The following C19orf38 variants were observed in gnomAD, a reference collection of about 807,000 sequenced individuals.
C19orf38 encodes chromosome 19 open reading frame 38.
Under a neutral mutation model 26.6 loss-of-function variants are expected in C19orf38, and 14 were observed. The observed-to-expected ratio is 0.53, with a 90% CI of 0.35 to 0.82. The LOEUF (loss-of-function observed/expected upper bound fraction) is 0.82. C19orf38 is among the 40% of genes least tolerant of loss of function. The pLI is 0.01. For synonymous variants in C19orf38, 132 were observed against 128.5 expected, an observed-to-expected ratio of 1.03 and a Z score of -0.18; for missense variants, 261 against 299.5, an observed-to-expected ratio of 0.87 and a Z score of 0.95.
chr19:10,858,258 A>AT, intron 3 of C19orf38, 58 bp from the exon 4 acceptor site: 1 of 1,303,716 alleles, frequency 7.7e-7, no homozygotes, highest in Non-Finnish European at 1.0e-6. Context: ...AAAAACAGAA[A>AT]TTGCCGGATA....
intron 1 of C19orf38, among the ~76,000 whole-genome samples, chr19:10,841,582 G>T (rs897991968): frequency 6.6e-6 from 1 of 151,966 alleles, no homozygotes; most frequent in Admixed American, 6.6e-5. Context: ...CACAAGGTCA[G>T]GAGATCGAGA....
At position 10,848,423 on chromosome 19, in the gene C19orf38, C is replaced by T; in HGVS notation, c.-86C>T. On this transcript the variant is annotated 5_prime_UTR_variant, in exon 1 of 7. Transcript: ENST00000397820. The stretch of plus-strand genomic sequence containing the variant: ...GAGAATCAGCCCTGGTTCTCCTTTC[C>T]CCGATCTGGCCTCACAGGAGGAGTT... The T allele has an allele frequency of 7.0e-7, 1 of 1,426,838 alleles. No homozygotes were observed. Among genetic ancestry groups the T allele is most frequent in the Non-Finnish European group, 9.7e-7 (1 of 1,035,214 alleles). 88.4% of individuals were successfully genotyped at this position (1,426,838 alleles called of 1,614,324 possible).
intron 3 of C19orf38, among the ~76,000 whole-genome samples, chr19:10,856,657 C>T (rs1281867585): frequency 1.3e-5 from 2 of 151,992 alleles, no homozygotes; most frequent in African/African-American, 2.4e-5. Flanking sequence ...GCGTGCACCA[C>T]CATGCCTCGC....
In C19orf38 at chr19:10,858,582, A is replaced by G. The variant is rs535746787; in HGVS notation, c.461+239A>G. Reference sequence around the variant, plus strand: ...GGAAACAGGCACCATGAATAGCCCTATTTTACAGAAGAGAGGACTGAGGCT... The same window carrying G: ...GGAAACAGGCACCATGAATAGCCCTGTTTTACAGAAGAGAGGACTGAGGCT... On this transcript the variant is annotated intron_variant, in intron 4 of 6. Coordinates refer to ENST00000397820, the MANE Select transcript of C19orf38 (RefSeq NM_001136482.3). 1.1e-3 allele frequency among the ~76,000 whole-genome samples: 167 copies of G among 152,270 alleles called. 1 individual carries two copies. The highest frequency in any genetic ancestry group is 3.8e-3 in the African/African-American group (156 of 41,556).
Position 10,856,374 on chromosome 19 carries a change from C to A in C19orf38, c.433+17C>A. On this transcript the variant is annotated intron_variant, in intron 3 of 6. Transcript: ENST00000397820. ...TCAGAAAAGGTAACAGCACGCAAAG[C>A]CTGGCACACAAGTTGCCAGTTGACA... 6.5e-7 allele frequency: 1 copy of A among 1,545,056 alleles called. No homozygotes were observed. Among genetic ancestry groups the A allele is most frequent in the Non-Finnish European group, 8.8e-7 (1 of 1,141,120 alleles).
chr19:10,859,686 A>G (rs1399527751), intron 4 of C19orf38, among the ~76,000 whole-genome samples: 1 of 151,748 alleles, frequency 6.6e-6, no homozygotes, highest in Admixed American at 6.6e-5. Context: ...GCCTGGCCCA[A>G]GAGAATTTCC....
In C19orf38 at chr19:10,869,319, C is replaced by G. The variant is rs1256291131; in HGVS notation, c.645C>G (p.Ser215=). Residue 215 remains serine, a synonymous_variant, in exon 7 of 7, where the codon TCC becomes TCG. Transcript: ENST00000397820. ...SRTRKRPTST[S]SSPETPEFST... ...CCCGGAAGAGGCCCACTTCCACGTC[C>G]TCCTCGCCTGAGACCCCCGAATTCA... is the stretch of plus-strand genomic sequence containing the variant. 1 of 1,551,500 alleles carries G rather than the reference C, an allele frequency of 6.4e-7. No individual in the cohort carries two copies. The highest frequency in any genetic ancestry group is 1.2e-5 in the South Asian group (1 of 84,048).
intron 4 of C19orf38, among the ~76,000 whole-genome samples, 191 bp from the exon 5 acceptor site, chr19:10,859,724 G>T (rs1164270730): frequency 1.3e-5 from 2 of 151,976 alleles, no homozygotes; most frequent in Non-Finnish European, 2.9e-5. Context: ...CGGCCAAGGG[G>T]CTGTCCCACA....
chr19:10,858,439 C>T, intron 4 of C19orf38, 96 bp downstream of exon 4: 1 of 1,212,778 alleles, frequency 8.2e-7, no homozygotes, highest in South Asian at 1.4e-5. Context: ...CAAACAGCGC[C>T]TCCTGGTGGG....
At chr19:10,841,182 A>G (rs949418474) in intron 1 of C19orf38, among the ~76,000 whole-genome samples, 2 of 152,122 alleles carry the variant, frequency 1.3e-5, no homozygotes, top group Non-Finnish European at 2.9e-5. Flanking sequence ...TGAAACAAAA[A>G]AACTTCTCTA....
intron 2 of C19orf38, among the ~76,000 whole-genome samples, chr19:10,855,376 C>A (rs1031430708): frequency 1.3e-5 from 2 of 152,020 alleles, no homozygotes; most frequent in East Asian, 3.9e-4. Context: ...CTCTCTGTGT[C>A]ACCCAGGCTG....
At chr19:10,857,366 A>ATATATATATATATATTT (rs1433358051) in intron 3 of C19orf38, among the ~76,000 whole-genome samples, 1 of 56,100 alleles carries the variant, frequency 1.8e-5, no homozygotes, top group Non-Finnish European at 2.6e-5. Flanking sequence ...ATATATATAT[A>ATATATATATATATATTT]TTTTTTTTTT....
At chr19:10,858,943 T>G (rs1403554745) in intron 4 of C19orf38, among the ~76,000 whole-genome samples, 2 of 151,224 alleles carry the variant, frequency 1.3e-5, no homozygotes, top group Non-Finnish European at 3.0e-5. Flanking sequence ...TATGTTTTTT[T>G]TTTTTTTTTT....
chr19:10,848,460 T>C lies in C19orf38; in HGVS notation c.-49T>C, dbSNP rs141752359. The C allele has an allele frequency of 1.2e-5, 18 of 1,549,212 alleles. No homozygotes were observed. The East Asian group carries it at 3.7e-4, about 32-fold the overall frequency. ...TCACAGGAGGAGTTGGCGGGGAGCC[T>C]TGGGCCCCTCTGGCCTCAGCCGGAT... is the stretch of plus-strand genomic sequence containing the variant. On this transcript the variant is annotated 5_prime_UTR_variant, in exon 1 of 7. Coordinates refer to ENST00000397820, the MANE Select transcript of C19orf38 (RefSeq NM_001136482.3).
intron 1 of C19orf38, among the ~76,000 whole-genome samples, chr19:10,849,449 G>T (rs964465006): frequency 2.0e-5 from 3 of 152,154 alleles, no homozygotes; most frequent in African/African-American, 7.2e-5. Flanking sequence ...GACTCAGCTC[G>T]TGGGAGGCCA....
intron 2 of C19orf38, among the ~76,000 whole-genome samples, chr19:10,853,746 C>T (rs928356316): frequency 6.6e-6 from 1 of 151,746 alleles, no homozygotes; most frequent in African/African-American, 2.4e-5. Flanking sequence ...CATGTGCCAC[C>T]ATGCCCAGCT....
chr19:10,863,975 G>A (rs1012376204), intron 6 of C19orf38, among the ~76,000 whole-genome samples: 7 of 152,126 alleles, frequency 4.6e-5, no homozygotes, highest in Admixed American at 6.6e-5. Flanking sequence ...AAATGTAGCT[G>A]TGCAGAGAGT....
intron 2 of C19orf38, among the ~76,000 whole-genome samples, chr19:10,853,116 G>A (rs1366453978): frequency 6.6e-6 from 1 of 151,560 alleles, no homozygotes; most frequent in East Asian, 1.9e-4. Flanking sequence ...AGGCTAGAGT[G>A]CAGTGGCGCA....
In C19orf38 at chr19:10,848,611, G is replaced by C. The variant is rs959623831; in HGVS notation, c.31+72G>C. 9 of 1,461,962 alleles carry C rather than the reference G, an allele frequency of 6.2e-6. No individual in the cohort carries two copies. The African/African-American group carries it at 9.9e-5, about 16-fold the overall frequency. The allele number at this position is 1,461,962 out of a possible 1,614,324, so 90.6% of individuals were successfully genotyped here. A position where few individuals can be genotyped will look rare whatever the true frequency, so the allele number is the denominator to read the frequency against. On this transcript the variant is annotated intron_variant, in intron 1 of 6. Coordinates refer to ENST00000397820, the MANE Select transcript of C19orf38 (RefSeq NM_001136482.3). Reference sequence around the variant, plus strand: ...TCCTCTGTCCACCTTGCCGCTCCAGGGGCAGAAACCAGTGCAGGGGCTGCC... The same window carrying C: ...TCCTCTGTCCACCTTGCCGCTCCAGCGGCAGAAACCAGTGCAGGGGCTGCC...
Sources: allele counts gnomAD v4.1 joint callset (sites outside exome capture counted in the v4.1 genomes callset), GRCh38; gene constraint gnomAD v4.1.1; transcripts MANE v1.5; gene names NCBI Gene and HGNC (gene_info 2026-07-23, HGNC 2026-07-21).